Variants in SCOC observed in about 807,000 individuals in gnomAD.
SCOC encodes short coiled coil protein.
In SCOC, 7 loss-of-function variants were observed where a neutral mutation model predicts 9.9. That is an observed-to-expected ratio of 0.71 (90% CI 0.40 to 1.33). The LOEUF is 1.33. Among genes scored for constraint, SCOC ranks in the 40% most tolerant of loss-of-function variants. The pLI, the probability that SCOC is intolerant of heterozygous loss-of-function variation, is 0.01. For missense variants in SCOC, 66 were observed against 89.7 expected (o/e 0.74, Z 1.07); for synonymous variants, 19 against 28.2 (o/e 0.67, Z 1.03).
At chr4:140,288,606 A>T (rs1414712029) in intron 1 of SCOC, among the ~76,000 whole-genome samples, 1 of 152,012 alleles carries the variant, frequency 6.6e-6, no homozygotes, top group African/African-American at 2.4e-5. Flanking sequence ...CACATCACAT[A>T]CACACACATC....
At chr4:140,262,181 T>C (rs139613706) in intron 1 of SCOC, among the ~76,000 whole-genome samples, 2 of 152,332 alleles carry the variant, frequency 1.3e-5, no homozygotes, top group Non-Finnish European at 2.9e-5. Context: ...ATTAGACCTA[T>C]GAAAGAAAGG....
intron 1 of SCOC, among the ~76,000 whole-genome samples, chr4:140,375,123 TTTG>T (rs530642349): frequency 5.8e-4 from 88 of 152,290 alleles, no homozygotes; most frequent in Admixed American, 1.2e-3. Flanking sequence ...ACACTGGGCA[TTTG>T]TTGTAGTCTT....
At position 140,270,906 on chromosome 4, in the gene SCOC, G is replaced by T. The variant is rs115880326; in HGVS notation, c.-19+13496G>T. On this transcript the variant is annotated intron_variant, in intron 1 of 4. Coordinates refer to the SCOC transcript ENST00000394205. Reference sequence around the variant, plus strand: ...TCAGATGGCAAAGTTGAAATCCTGAGAAGTAAGTCATATCTTCACCAAGGG... The same window carrying T: ...TCAGATGGCAAAGTTGAAATCCTGATAAGTAAGTCATATCTTCACCAAGGG... Among the ~76,000 whole-genome samples the T allele has an allele frequency of 1.8e-3, 279 of 152,266 alleles. 2 individuals carry two copies. Among genetic ancestry groups the T allele is most frequent in the African/African-American group, 6.5e-3 (270 of 41,544 alleles).
chr4:140,378,318 C>CCGT (rs1228063334), intron 1 of SCOC, among the ~76,000 whole-genome samples: 1 of 151,988 alleles, frequency 6.6e-6, no homozygotes, highest in Non-Finnish European at 1.5e-5. Context: ...TTCATCCATA[C>CCGT]CGTCATCCTT....
At chr4:140,262,006 T>C (rs1730643062) in intron 1 of SCOC, among the ~76,000 whole-genome samples, 1 of 152,238 alleles carries the variant, frequency 6.6e-6, no homozygotes, top group South Asian at 2.1e-4. Context: ...CATCTTTTCT[T>C]ATTAGACCTC....
At chr4:140,277,826 T>C (rs1190901116) in intron 1 of SCOC, among the ~76,000 whole-genome samples, 1 of 152,228 alleles carries the variant, frequency 6.6e-6, no homozygotes, top group Non-Finnish European at 1.5e-5. Flanking sequence ...CAAATGGGAA[T>C]TATCCTGGAT....
Position 140,383,210 on chromosome 4 carries a change from C to T in SCOC, c.*2106C>T, listed in dbSNP as rs1728623142. ...ACAAGATTTTGGTGGCTGCTAGCAG[C>T]CTCAGCCACAGCTCTTCTTGTGCTA... On this transcript the variant is annotated 3_prime_UTR_variant, in exon 4 of 4. Coordinates refer to ENST00000608372, the MANE Select transcript of SCOC (RefSeq NM_001153484.2). 6.6e-6 allele frequency: 1 copy of T among 152,184 alleles called. No homozygotes were observed. Among genetic ancestry groups the T allele is most frequent in the African/African-American group, 2.4e-5 (1 of 41,448 alleles). The allele number at this position is 152,184 out of a possible 1,614,324, so 9.4% of individuals were successfully genotyped here.
intron 2 of SCOC, among the ~76,000 whole-genome samples, chr4:140,355,101 C>A (rs1161663598): frequency 6.6e-6 from 1 of 151,470 alleles, no homozygotes; most frequent in Non-Finnish European, 1.5e-5. Flanking sequence ...AAACCAGACC[C>A]ACCCTTAATC....
chr4:140,365,343 A>G (rs1275475938), intron 2 of SCOC, among the ~76,000 whole-genome samples: 5 of 152,248 alleles, frequency 3.3e-5, no homozygotes, highest in Non-Finnish European at 5.9e-5. Context: ...AGGCAGTGCC[A>G]GAAAAATTGA....
At chr4:140,361,338 G>A (rs956285831) in intron 2 of SCOC, among the ~76,000 whole-genome samples, 2 of 151,870 alleles carry the variant, frequency 1.3e-5, no homozygotes, top group Non-Finnish European at 2.9e-5. Flanking sequence ...CTTCAGTTGC[G>A]GCCAATGGTG....
chr4:140,320,452 T>C (rs6837675), intron 1 of SCOC, among the ~76,000 whole-genome samples: 150,706 of 152,284 alleles, frequency 0.99, 74,584 homozygotes, highest in East Asian at 1. Flanking sequence ...TGTATGGACT[T>C]GCCCTAAATT....
intron 1 of SCOC, among the ~76,000 whole-genome samples, chr4:140,282,716 T>A (rs1731129657): frequency 6.6e-6 from 1 of 152,220 alleles, no homozygotes; most frequent in Non-Finnish European, 1.5e-5. Context: ...ATGGCTTTTA[T>A]CTCTTTAACC....
intron 1 of SCOC, among the ~76,000 whole-genome samples, chr4:140,295,660 C>A (rs1332355091): frequency 1.6e-4 from 25 of 152,044 alleles, no homozygotes; most frequent in Admixed American, 1.6e-3. Flanking sequence ...TCACCTGGAG[C>A]GAAGGGCGCG....
intron 1 of SCOC, among the ~76,000 whole-genome samples, chr4:140,294,130 C>T (rs760432911): frequency 1.6e-4 from 24 of 152,266 alleles, no homozygotes; most frequent in Admixed American, 2.0e-4. Flanking sequence ...TCCAAAGTAC[C>T]GAGGCATGCT....
chr4:140,361,292 A>G (rs139792765), intron 2 of SCOC, among the ~76,000 whole-genome samples: 13 of 152,042 alleles, frequency 8.6e-5, no homozygotes, highest in African/African-American at 3.1e-4. Context: ...TATCAAAGCT[A>G]GAACTGACTG....
At position 140,381,066 on chromosome 4, in the gene SCOC, G is replaced by A. The variant is rs768519454; in HGVS notation, c.211G>A (p.Val71Ile). 1 of 1,600,704 alleles carries A rather than the reference G, an allele frequency of 6.2e-7. No homozygotes were observed. The highest frequency in any genetic ancestry group is 1.1e-5 in the South Asian group (1 of 87,976). Reference protein sequence around the residue: ...YIENLMSASSVFQTTDTKSKR... With the variant: ...YIENLMSASSIFQTTDTKSKR... ...AGAAAATCTCATGTCAGCTTCTAGTGTTTTTCAAACAACTGACACAAAAAG... is the reference window on the plus strand; with the variant it reads ...AGAAAATCTCATGTCAGCTTCTAGTATTTTTCAAACAACTGACACAAAAAG... Residue 71 changes from valine (V) to isoleucine (I), a missense_variant, in exon 4 of 4, where the codon GTT becomes ATT. Coordinates refer to ENST00000608372, the MANE Select transcript of SCOC (RefSeq NM_001153484.2).
At chr4:140,268,703 C>G (rs1160349133) in intron 1 of SCOC, among the ~76,000 whole-genome samples, 1 of 152,140 alleles carries the variant, frequency 6.6e-6, no homozygotes, top group African/African-American at 2.4e-5. Context: ...GAGAAGGCGT[C>G]ATTCAGACTG....
intron 1 of SCOC, among the ~76,000 whole-genome samples, chr4:140,270,286 T>C (rs773840295): frequency 1.2e-4 from 18 of 152,116 alleles, no homozygotes; most frequent in Non-Finnish European, 1.8e-4. Flanking sequence ...ACCTAAACAA[T>C]ACATCAGCAT....
At chr4:140,364,451 C>T (rs1205139481) in intron 2 of SCOC, among the ~76,000 whole-genome samples, 2 of 151,996 alleles carry the variant, frequency 1.3e-5, no homozygotes, top group Non-Finnish European at 2.9e-5. Context: ...GTTTCTAATG[C>T]AGATCAAAGT....
Sources: allele counts gnomAD v4.1 joint callset (sites outside exome capture counted in the v4.1 genomes callset), GRCh38; gene constraint gnomAD v4.1.1; transcripts MANE v1.5; gene names NCBI Gene and HGNC (gene_info 2026-07-23, HGNC 2026-07-21).